The following GON4L variants were observed in gnomAD, a reference collection of about 807,000 sequenced individuals.
GON4L encodes the protein GON-4-like protein.
Under a neutral mutation model 211.8 loss-of-function variants are expected in GON4L, and 87 were observed. The ratio of observed to expected loss-of-function variants is 0.41; its 90% CI spans 0.35 to 0.49. The LOEUF is 0.49. Among genes scored for constraint, GON4L ranks in the 20% least tolerant of loss-of-function variants. The probability of loss-of-function intolerance (pLI) is 0.15; values close to 1 mark genes in which losing one functional copy is unlikely to be tolerated. For synonymous variants in GON4L, 875 were observed against 962.6 expected, an observed-to-expected ratio of 0.91 and a Z score of 1.68; for missense variants, 2,155 against 2,659.5, an observed-to-expected ratio of 0.81 and a Z score of 4.17.
chr1:155,770,953 G>T, intron 19 of GON4L, 114 bp downstream of exon 19: 1 of 1,418,636 alleles, frequency 7.0e-7, no homozygotes, highest in Non-Finnish European at 9.9e-7. Flanking sequence ...AGTGTAAAGT[G>T]GGAGAAATTA....
At chr1:155,746,994 T>C (rs1660265354), downstream of GON4L, 2 of 1,581,254 alleles carry the variant, frequency 1.3e-6, no homozygotes, top group Non-Finnish European at 1.7e-6. Flanking sequence ...GAAAAAGCAC[T>C]CCTTTTCCTA....
At chr1:155,842,571 C>A (rs552854997) in intron 2 of GON4L, among the ~76,000 whole-genome samples, 44 of 146,622 alleles carry the variant, frequency 3.0e-4, no homozygotes, top group African/African-American at 1.1e-3. Context: ...GGGCCAGTGG[C>A]TCATACCCAT....
Position 155,826,832 on chromosome 1 carries a change from C to G in GON4L, c.697+5G>C. 6.3e-7 allele frequency: 1 copy of G among 1,587,246 alleles called. No homozygotes were observed. The highest frequency in any genetic ancestry group is 8.6e-7 in the Non-Finnish European group (1 of 1,156,232). On this transcript the variant is annotated splice_donor_5th_base_variant and intron_variant, in intron 3 of 31. Transcript: ENST00000368331. The stretch of plus-strand genomic sequence containing the variant: ...CATTTAATTAAAAAGAAAAAGAAAG[C>G]CTACCCATTGGAATGAAGAGTCCAC...
At chr1:155,853,932 CT>C in intron 1 of GON4L, 126 bp from the exon 2 acceptor site, 1 of 683,358 alleles carries the variant, frequency 1.5e-6, no homozygotes, top group Non-Finnish European at 2.5e-6. Context: ...CACAATTTCC[CT>C]TTAGGTGGAA....
intron 11 of GON4L, 69 bp from the exon 12 acceptor site, chr1:155,795,220 A>G (rs558054773): frequency 1.1e-6 from 1 of 906,906 alleles, no homozygotes; most frequent in African/African-American, 1.6e-5. Context: ...TGTTCCAATA[A>G]AGCACATTTA....
At chr1:155,796,225 T>C (rs1295843910) in intron 11 of GON4L, among the ~76,000 whole-genome samples, 1 of 151,816 alleles carries the variant, frequency 6.6e-6, no homozygotes, top group Non-Finnish European at 1.5e-5. Context: ...TAATAAACAT[T>C]TGTTAGGTTA....
At chr1:155,769,027 A>G (rs1489753336) in intron 19 of GON4L, among the ~76,000 whole-genome samples, 2 of 151,978 alleles carry the variant, frequency 1.3e-5, no homozygotes, top group African/African-American at 4.8e-5. Flanking sequence ...CCCAGGCTGG[A>G]GTGCAGGGGA....
At chr1:155,751,308 G>A (rs558183468) in intron 31 of GON4L, among the ~76,000 whole-genome samples, 1 of 152,244 alleles carries the variant, frequency 6.6e-6, no homozygotes, top group Admixed American at 6.5e-5. Flanking sequence ...CACTTTGGGA[G>A]GCTGAGGCAG....
intron 18 of GON4L, among the ~76,000 whole-genome samples, chr1:155,771,992 G>A (rs1205486093): frequency 2.6e-5 from 4 of 152,102 alleles, no homozygotes; most frequent in South Asian, 2.1e-4. Flanking sequence ...GTGAAACCTC[G>A]TCTCTACTAA....
intron 2 of GON4L, among the ~76,000 whole-genome samples, chr1:155,837,471 T>C (rs761420915): frequency 6.6e-6 from 1 of 152,186 alleles, no homozygotes. Flanking sequence ...CAGTCTTCTT[T>C]TATTATACTT....
chr1:155,749,236 G>C (rs1660374368), downstream of GON4L: 1 of 1,529,498 alleles, frequency 6.5e-7, no homozygotes, highest in Non-Finnish European at 8.9e-7. Flanking sequence ...TGGGCAACAA[G>C]AGCAAAACTC....
downstream of GON4L, chr1:155,746,094 C>G (rs769722194): frequency 5.9e-6 from 5 of 845,140 alleles, no homozygotes; most frequent in Non-Finnish European, 8.8e-6. Flanking sequence ...GGACGCTGCA[C>G]GGCCAGGAGA....
intron 12 of GON4L, among the ~76,000 whole-genome samples, chr1:155,794,368 G>A (rs931041816): frequency 6.6e-6 from 1 of 152,072 alleles, no homozygotes; most frequent in Admixed American, 6.6e-5. Context: ...CACCATGCCC[G>A]CCCTTAAACC....
At chr1:155,858,910 G>A (rs1433703066), upstream of GON4L, among the ~76,000 whole-genome samples, 1 of 151,896 alleles carries the variant, frequency 6.6e-6, no homozygotes, top group Non-Finnish European at 1.5e-5. Flanking sequence ...GGCCAGGCTG[G>A]TCTCGAACTC....
chr1:155,774,847 A>G (rs1019617356), intron 17 of GON4L, 155 bp downstream of exon 17: 3 of 845,830 alleles, frequency 3.5e-6, no homozygotes, highest in East Asian at 2.6e-5. Flanking sequence ...AACTTGGATA[A>G]TGAGTACAAA....
rs1662477118 is a variant in GON4L, at chr1:155,766,358, T to A, written c.3115A>T (p.Ile1039Phe). 1.2e-6 allele frequency: 2 copies of A among 1,613,966 alleles called. No homozygotes were observed. Among genetic ancestry groups the A allele is most frequent in the African/African-American group, 2.7e-5 (2 of 74,876 alleles). Reference protein sequence around the residue: ...EAPPSKMVLRIPHPIQPATVL... With the variant: ...EAPPSKMVLRFPHPIQPATVL... ...GTGGCTGGCTGTATTGGGTGAGGAA[T>A]CCGGAGCACCATTTTGCTCGGAGGG... Residue 1039 changes from isoleucine to phenylalanine, a missense_variant, in exon 21 of 32, where the codon ATT becomes TTT. Around this residue, in one of 6 missense-constraint regions of GON4L, gnomAD observed 615 missense variants for 625.7 expected, o/e 0.98. Transcript: ENST00000368331.
At chr1:155,833,154 A>T (rs1340940480) in intron 2 of GON4L, among the ~76,000 whole-genome samples, 1 of 152,192 alleles carries the variant, frequency 6.6e-6, no homozygotes, top group Non-Finnish European at 1.5e-5. Flanking sequence ...AAATCCGGAT[A>T]TCTGTGAACT....
chr1:155,854,895 C>T (rs1672131407), intron 1 of GON4L, among the ~76,000 whole-genome samples: 1 of 152,052 alleles, frequency 6.6e-6, no homozygotes, highest in Admixed American at 6.6e-5. Context: ...ATTAGCCGGG[C>T]GTGGTGGCAC....
At chr1:155,852,757 A>G (rs2102505320) in intron 2 of GON4L, among the ~76,000 whole-genome samples, 1 of 152,018 alleles carries the variant, frequency 6.6e-6, no homozygotes, top group Non-Finnish European at 1.5e-5. Flanking sequence ...AAGAAAGAAG[A>G]AAGGGGTACA....
Sources: allele counts gnomAD v4.1 joint callset (sites outside exome capture counted in the v4.1 genomes callset), GRCh38; gene constraint gnomAD v4.1.1; regional missense constraint gnomAD v4.1.1; transcripts MANE v1.5; gene names NCBI Gene and HGNC (gene_info 2026-07-23, HGNC 2026-07-21).